Variants in ZNF528 observed in about 807,000 individuals in gnomAD.
ZNF528 encodes the protein zinc finger protein 528.
In ZNF528, 9 loss-of-function variants were observed where a neutral mutation model predicts 13.3. The observed-to-expected ratio is 0.67, with a 90% CI of 0.41 to 1.18. ZNF528 has a LOEUF of 1.18. Ranked by LOEUF, ZNF528 falls within the 50% of genes most tolerant of loss-of-function variation. The probability of loss-of-function intolerance (pLI) is 0.01; values close to 1 mark genes in which losing one functional copy is unlikely to be tolerated. For missense variants in ZNF528, 858 were observed against 745.4 expected, an observed-to-expected ratio of 1.15 and a Z score of -1.76; for synonymous variants, 264 against 254.3, an observed-to-expected ratio of 1.04 and a Z score of -0.36.
intron 6 of ZNF528, 129 bp from the exon 7 acceptor site, chr19:52,414,995 A>G (rs771345178): frequency 1.5e-4 from 226 of 1,550,920 alleles, no homozygotes; most frequent in Non-Finnish European, 1.8e-4. Flanking sequence ...CACTGCCAGC[A>G]TGATACACAC....
At position 52,416,973 on chromosome 19, in the gene ZNF528, T is replaced by G. The variant is rs769126873; in HGVS notation, c.*234T>G. The G allele has an allele frequency of 2.1e-6, 1 of 487,570 alleles. No individual in the cohort carries two copies. Among genetic ancestry groups the G allele is most frequent in the East Asian group, 3.2e-5 (1 of 31,572 alleles). 30.2% of individuals were successfully genotyped at this position (487,570 alleles called of 1,614,324 possible). ...ACCATTGCTATAGAACACGATAGGA[T>G]TTACACAAGAAGTAACTCTGTCTCT... On this transcript the variant is annotated 3_prime_UTR_variant, in exon 7 of 7. Coordinates refer to ENST00000360465, the MANE Select transcript of ZNF528 (RefSeq NM_032423.3).
rs373376347 is a variant in ZNF528 at position 52,413,205 on chromosome 19, G to T, written c.272-1919G>T. On this transcript the variant is annotated intron_variant, in intron 6 of 6. Transcript: ENST00000360465. ...CGCTGCTGATAAGCAGCAGCTGGGG[G>T]TGCCATTTGATGTTCCAGGTCTGAA... The T allele has an allele frequency of 1.3e-4, 20 of 152,260 alleles. No individual in the cohort carries two copies. The East Asian group carries it at 3.1e-3, about 24-fold the overall frequency. The allele number at this position is 152,260 out of a possible 1,614,324, so 9.4% of individuals were successfully genotyped here.
Position 52,415,291 on chromosome 19 carries a change from C to T in ZNF528, c.439C>T (p.Pro147Ser), listed in dbSNP as rs370914123. ...CGTCAGTGACAATTCCTCAGTTTCA[C>T]CGCTTGAAAAAATTTCTTCCAGTGT... ...KPVSDNSSVS[P>S]LEKISSSVKS... The change falls in exon 7 of 7, where the codon CCG (proline) becomes TCG (serine). Residue 147 changes from proline (P) to serine (S), a missense_variant. Physicochemically the swap from Pro to Ser is moderately conservative, Grantham distance 74. Transcript: ENST00000360465. 6.2e-7 allele frequency: 1 copy of T among 1,613,040 alleles called. No homozygotes were observed. The highest frequency in any genetic ancestry group is 2.2e-5 in the East Asian group (1 of 44,872).
rs1283165871 is a variant in ZNF528, at chr19:52,406,624, C to T, written c.252C>T (p.Cys84=). The T allele has an allele frequency of 1.2e-6, 2 of 1,613,424 alleles. No individual in the cohort carries two copies. Among genetic ancestry groups the T allele is most frequent in the Non-Finnish European group, 1.7e-6 (2 of 1,179,750 alleles). The change falls in exon 6 of 7, where the codon TGC becomes TGT. Residue 84 remains cysteine, a synonymous_variant. Transcript: ENST00000360465. ...KIANDPDGRE[C]IKGVNTERSS... ...CAAACGATCCAGACGGCAGGGAGTG[C>T]ATCAAAGGTGTGAACACAGGTGAGA...
At position 52,397,907 on chromosome 19, in the gene ZNF528, G is replaced by T. The variant is rs1165553811; in HGVS notation, c.-390+3G>T. Reference sequence around the variant, plus strand: ...AGAAACTGTTTTCGCAGCAGTGCGTGAGTTTCCCTTTGTCTATGTTAAGTC... The same window carrying T: ...AGAAACTGTTTTCGCAGCAGTGCGTTAGTTTCCCTTTGTCTATGTTAAGTC... On this transcript the variant is annotated splice_donor_region_variant and intron_variant, in intron 1 of 6. Transcript: ENST00000360465. 6.6e-6 allele frequency: 1 copy of T among 152,240 alleles called. No individual in the cohort carries two copies. The highest frequency in any genetic ancestry group is 1.5e-5 in the Non-Finnish European group (1 of 68,058). 9.4% of individuals were successfully genotyped at this position (152,240 alleles called of 1,614,324 possible).
At chr19:52,402,832 A>G (rs2058811021) in intron 4 of ZNF528, among the ~76,000 whole-genome samples, 1 of 152,202 alleles carries the variant, frequency 6.6e-6, no homozygotes, top group Non-Finnish European at 1.5e-5. Flanking sequence ...ACTTAATTAA[A>G]TTTTGTTAAT....
At position 52,399,151 on chromosome 19, in the gene ZNF528, GAAA is replaced by G. The variant is rs145693395; in HGVS notation, c.-137+537_-137+539del. 4.9e-3 allele frequency among the ~76,000 whole-genome samples: 737 copies of G among 151,710 alleles called. 6 individuals are homozygous for G. The East Asian group carries it at 0.052, about 11-fold the overall frequency. On this transcript the variant is annotated intron_variant, in intron 2 of 6. Coordinates refer to ENST00000360465, the MANE Select transcript of ZNF528 (RefSeq NM_032423.3). ...GAACAGAATCCTAGGGGAAAATAGA[GAAA>G]AAAAGAGCTAGGAAAAAAGATGAGA...
Position 52,416,814 on chromosome 19 carries a change from A to G in ZNF528, c.*75A>G, listed in dbSNP as rs1470628295. 6.4e-6 allele frequency: 9 copies of G among 1,410,344 alleles called. No homozygotes were observed. The highest frequency in any genetic ancestry group is 7.6e-6 in the Non-Finnish European group (8 of 1,049,274). 87.4% of individuals were successfully genotyped at this position (1,410,344 alleles called of 1,614,324 possible). On this transcript the variant is annotated 3_prime_UTR_variant, in exon 7 of 7. Transcript: ENST00000360465. ...AATCAACATCAGTGAGTCCATACTA[A>G]GTGGAAATCATATAAATGAAATGTA...
Position 52,401,956 on chromosome 19 carries a change from C to T in ZNF528, c.-58C>T. On this transcript the variant is annotated 5_prime_UTR_variant, in exon 4 of 7. Coordinates refer to ENST00000360465, the MANE Select transcript of ZNF528 (RefSeq NM_032423.3). Reference sequence around the variant, plus strand: ...TATTTTTGACATTCAGGATTCACTTCCAAAGAGACATATTATGCAAGGAAG... The same window carrying T: ...TATTTTTGACATTCAGGATTCACTTTCAAAGAGACATATTATGCAAGGAAG... 1 of 1,613,664 alleles carries T rather than the reference C, an allele frequency of 6.2e-7. No individual in the cohort carries two copies. The highest frequency in any genetic ancestry group is 1.1e-5 in the South Asian group (1 of 91,032).
intron 6 of ZNF528, among the ~76,000 whole-genome samples, chr19:52,407,887 AT>A (rs1323589085): frequency 2.0e-5 from 3 of 151,668 alleles, no homozygotes; most frequent in Admixed American, 2.0e-4. Context: ...TAATTTTTGT[AT>A]TTTTAGTAGA....
rs2059012765 is a variant in ZNF528 at position 52,416,966 on chromosome 19, G to A, written c.*227G>A. The A allele has an allele frequency of 1.2e-5, 6 of 501,014 alleles. No individual in the cohort carries two copies. The highest frequency in any genetic ancestry group is 6.8e-5 in the South Asian group (2 of 29,374). 31.0% of individuals were successfully genotyped at this position (501,014 alleles called of 1,614,324 possible). On this transcript the variant is annotated 3_prime_UTR_variant, in exon 7 of 7. Coordinates refer to ENST00000360465, the MANE Select transcript of ZNF528 (RefSeq NM_032423.3). ...TTCAAGGACCATTGCTATAGAACAC[G>A]ATAGGATTTACACAAGAAGTAACTC...
Position 52,404,582 on chromosome 19 carries a change from G to C in ZNF528, c.16-1325G>C, listed in dbSNP as rs115903980. On this transcript the variant is annotated intron_variant, in intron 4 of 6. Coordinates refer to ENST00000360465, the MANE Select transcript of ZNF528 (RefSeq NM_032423.3). ...GTTATCATCACAGTTTTCAGATTTT[G>C]ATCATTTTTTATTTTATTTGTTTTT... 4.8e-3 allele frequency among the ~76,000 whole-genome samples: 728 copies of C among 151,648 alleles called. 10 individuals are homozygous for C. The highest frequency in any genetic ancestry group is 0.017 in the African/African-American group (707 of 41,398).
At chr19:52,408,870 G>C (rs1163755674) in intron 6 of ZNF528, among the ~76,000 whole-genome samples, 1 of 152,146 alleles carries the variant, frequency 6.6e-6, no homozygotes, top group Non-Finnish European at 1.5e-5. Flanking sequence ...CCCTGCCTAT[G>C]ATGACCTTTA....
Position 52,410,882 on chromosome 19 carries a change from G to A in ZNF528, c.271+4239G>A, listed in dbSNP as rs552380892. Among the ~76,000 whole-genome samples, 8 of 152,252 alleles carry A rather than the reference G, an allele frequency of 5.3e-5. No homozygotes were observed. The South Asian group carries it at 1.0e-3, about 20-fold the overall frequency. On this transcript the variant is annotated intron_variant, in intron 6 of 6. Transcript: ENST00000360465. ...TAGGTGGCAATACCTAGCATAGGGCGTAGCCAATTAATATCTCCTAGTATT... is the reference window on the plus strand; with the variant it reads ...TAGGTGGCAATACCTAGCATAGGGCATAGCCAATTAATATCTCCTAGTATT...
intron 4 of ZNF528, 38 bp downstream of exon 4, chr19:52,402,066 T>C (rs558363833): frequency 1.2e-6 from 2 of 1,613,996 alleles, no homozygotes; most frequent in African/African-American, 2.7e-5. Flanking sequence ...CTGTCTCTGT[T>C]TCTTCCTGAA....
At chr19:52,413,496 A>G (rs551407114) in intron 6 of ZNF528, 2 of 152,306 alleles carry the variant, frequency 1.3e-5, no homozygotes, top group East Asian at 3.9e-4. Flanking sequence ...ACTAAACTCT[A>G]GGGTATTTTC....
chr19:52,403,027 A>G (rs970980592), intron 4 of ZNF528, among the ~76,000 whole-genome samples: 3 of 152,178 alleles, frequency 2.0e-5, no homozygotes, highest in Non-Finnish European at 4.4e-5. Flanking sequence ...GTTTTTGAAT[A>G]TGGATATTTA....
chr19:52,416,677 C>T lies in ZNF528; in HGVS notation c.1825C>T (p.Leu609=). The T allele has an allele frequency of 1.2e-6, 2 of 1,613,554 alleles. No individual in the cohort carries two copies. Among genetic ancestry groups the T allele is most frequent in the Non-Finnish European group, 1.7e-6 (2 of 1,179,468 alleles). The change falls in exon 7 of 7, where the codon CTG becomes TTG. Residue 609 remains leucine, a synonymous_variant. Coordinates refer to ENST00000360465, the MANE Select transcript of ZNF528 (RefSeq NM_032423.3). The part of the protein sequence containing the change: ...HIGEKPYKCT[L]CSKVFSHNSD... ...TGGAGAGAAACCTTACAAATGCACC[C>T]TGTGCAGTAAGGTCTTCAGTCACAA...
At chr19:52,403,371 A>C (rs1321266721) in intron 4 of ZNF528, among the ~76,000 whole-genome samples, 1 of 152,150 alleles carries the variant, frequency 6.6e-6, no homozygotes, top group Non-Finnish European at 1.5e-5. Flanking sequence ...ATATGTAAAA[A>C]ATAGGTCACT....
Sources: allele counts gnomAD v4.1 joint callset (sites outside exome capture counted in the v4.1 genomes callset), GRCh38; gene constraint gnomAD v4.1.1; transcripts MANE v1.5; gene names NCBI Gene and HGNC (gene_info 2026-07-23, HGNC 2026-07-21).